Variants in PIK3AP1 observed in about 807,000 individuals in gnomAD.
PIK3AP1 encodes the protein phosphoinositide-3-kinase adaptor protein 1.
PIK3AP1 carries 21 observed loss-of-function variants against 88.1 expected under a neutral mutation model. The observed-to-expected ratio is 0.24, with a 90% confidence interval of 0.17 to 0.34. The LOEUF is 0.34. Among genes scored for constraint, PIK3AP1 ranks in the 10% least tolerant of loss-of-function variants. PIK3AP1 has a pLI of 1.00. For synonymous variants in PIK3AP1, 398 were observed against 400.0 expected (o/e 1.00, Z 0.06); for missense variants, 828 against 1,035.7 (o/e 0.80, Z 2.75).
In PIK3AP1 at chr10:96,720,507, GC is replaced by G; in HGVS notation, c.-114del. On this transcript the variant is annotated 5_prime_UTR_variant, in exon 1 of 17. Coordinates refer to ENST00000339364, the MANE Select transcript of PIK3AP1 (RefSeq NM_152309.3). The surrounding 1 kb of genome is among the most constrained non-coding windows in gnomAD (Gnocchi z 4.6). ...CGCCGGGCTCCGCGCGGGACCGGCCGCCGCTCTGGCGCTTCCTCCCTCAGGG... is the reference window on the plus strand; with the variant it reads ...CGCCGGGCTCCGCGCGGGACCGGCCGCGCTCTGGCGCTTCCTCCCTCAGGG... 1.0e-6 allele frequency: 1 copy of G among 986,016 alleles called. No individual in the cohort carries two copies. Among genetic ancestry groups the G allele is most frequent in the Non-Finnish European group, 1.3e-6 (1 of 778,282 alleles). The allele number at this position is 986,016 out of a possible 1,614,324, so 61.1% of individuals were successfully genotyped here. A position where few individuals can be genotyped will look rare whatever the true frequency, so the allele number is the denominator to read the frequency against.
chr10:96,651,007 T>C (rs1843529415), intron 6 of PIK3AP1, among the ~76,000 whole-genome samples: 1 of 152,218 alleles, frequency 6.6e-6, no homozygotes. Context: ...TTAAAATCAC[T>C]CATTTCCTGC....
chr10:96,609,656 G>T, intron 14 of PIK3AP1, 56 bp downstream of exon 14: 2 of 1,578,554 alleles, frequency 1.3e-6, no homozygotes, highest in Non-Finnish European at 1.7e-6. Context: ...AAGGTCCAAG[G>T]GTGCCAGCTG....
At chr10:96,656,324 C>A (rs1843614178) in intron 3 of PIK3AP1, among the ~76,000 whole-genome samples, 1 of 152,170 alleles carries the variant, frequency 6.6e-6, no homozygotes, top group Non-Finnish European at 1.5e-5. Flanking sequence ...TTATCTGATC[C>A]CTTTAAAAAG....
rs1843559101 is a variant in PIK3AP1 at position 96,652,821 on chromosome 10, T to C, written c.589A>G (p.Ile197Val). Residue 197 changes from isoleucine to valine, a missense_variant, in exon 4 of 17, where the codon ATT becomes GTT. Around this residue, in one of 3 missense-constraint regions of PIK3AP1, gnomAD observed 610 missense variants for 760.1 expected, o/e 0.80. Coordinates refer to ENST00000339364, the MANE Select transcript of PIK3AP1 (RefSeq NM_152309.3). ...CTGTCATCCAGCTTACATCTCACAA[T>C]AACATAGACAGTGGTTTCTGCCTGA... ...RCGAETTVYV[I>V]VRCKLDDRVA... The C allele has an allele frequency of 6.2e-7, 1 of 1,613,816 alleles. No homozygotes were observed. Among genetic ancestry groups the C allele is most frequent in the Non-Finnish European group, 8.5e-7 (1 of 1,179,980 alleles).
intron 2 of PIK3AP1, among the ~76,000 whole-genome samples, chr10:96,705,579 CTTT>C (rs57429192): frequency 6.7e-5 from 9 of 133,884 alleles, no homozygotes; most frequent in Admixed American, 7.6e-5. Flanking sequence ...CATTGCATTT[CTTT>C]TTTTTTTTTT....
chr10:96,679,870 G>A (rs954289514), intron 2 of PIK3AP1, among the ~76,000 whole-genome samples: 1 of 152,294 alleles, frequency 6.6e-6, no homozygotes, highest in South Asian at 2.1e-4. Flanking sequence ...CCACGAGCAT[G>A]GAACAGAAAC....
At chr10:96,614,115 A>C (rs1849172963) in intron 13 of PIK3AP1, among the ~76,000 whole-genome samples, 1 of 152,032 alleles carries the variant, frequency 6.6e-6, no homozygotes, top group Non-Finnish European at 1.5e-5. Context: ...AGCCCAGATG[A>C]GTGGTCAGGA....
intron 2 of PIK3AP1, among the ~76,000 whole-genome samples, chr10:96,659,465 A>C (rs1282247484): frequency 1.3e-5 from 2 of 152,148 alleles, no homozygotes; most frequent in Non-Finnish European, 2.9e-5. Flanking sequence ...ATTTCTCCCA[A>C]ATTACTGGCC....
At chr10:96,693,306 G>GTTAA (rs1844178811) in intron 2 of PIK3AP1, among the ~76,000 whole-genome samples, 1 of 152,256 alleles carries the variant, frequency 6.6e-6, no homozygotes, top group Non-Finnish European at 1.5e-5. Flanking sequence ...CTGCTCTTCT[G>GTTAA]AGGGAGGCTT....
At chr10:96,654,193 T>G (rs1275911613) in intron 3 of PIK3AP1, among the ~76,000 whole-genome samples, 1 of 151,992 alleles carries the variant, frequency 6.6e-6, no homozygotes, top group Non-Finnish European at 1.5e-5. Context: ...CTCGAATAGC[T>G]CTTTTAGCTT....
chr10:96,714,825 T>C (rs1421272857), intron 1 of PIK3AP1, among the ~76,000 whole-genome samples: 1 of 152,142 alleles, frequency 6.6e-6, no homozygotes, highest in East Asian at 1.9e-4. Flanking sequence ...AAAAGAAATA[T>C]ACAGGAGTCC....
In PIK3AP1 at chr10:96,604,023, G is replaced by A. The variant is rs753785564; in HGVS notation, c.2197C>T (p.Arg733Trp). The A allele has an allele frequency of 2.4e-5, 38 of 1,607,062 alleles. No individual in the cohort carries two copies. The highest frequency in any genetic ancestry group is 1.1e-4 in the South Asian group (10 of 89,514). The change falls in exon 15 of 17, where the codon CGG (arginine) becomes TGG (tryptophan). Residue 733 changes from arginine (R) to tryptophan (W), a missense_variant. This residue lies in a region of PIK3AP1 where 191 missense variants were observed against 208.6 expected (regional missense o/e 0.92). Coordinates refer to ENST00000339364, the MANE Select transcript of PIK3AP1 (RefSeq NM_152309.3). ...CCGCTGCTCACACTGAGGAGGCTCCGGGTGCTGGAGCGGTTACTTGTGCTA... is the reference window on the plus strand; with the variant it reads ...CCGCTGCTCACACTGAGGAGGCTCCAGGTGCTGGAGCGGTTACTTGTGCTA... Reference protein sequence around the residue: ...ASSTSNRSSTRSLLSVSSGME... With the variant: ...ASSTSNRSSTWSLLSVSSGME...
intron 2 of PIK3AP1, among the ~76,000 whole-genome samples, chr10:96,669,973 G>C (rs1203804004): frequency 6.6e-6 from 1 of 151,858 alleles, no homozygotes; most frequent in East Asian, 1.9e-4. Context: ...TCAGGAGTTC[G>C]AGACCAGCCT....
Position 96,595,433 on chromosome 10 carries a change from C to G in PIK3AP1, c.*144G>C, listed in dbSNP as rs915462407. 3 of 916,398 alleles carry G rather than the reference C, an allele frequency of 3.3e-6. No individual in the cohort carries two copies. The highest frequency in any genetic ancestry group is 3.3e-6 in the Non-Finnish European group (2 of 602,786). 56.8% of individuals were successfully genotyped at this position (916,398 alleles called of 1,614,324 possible). ...ATAAAATCTTCGAGGCAAGCCCAAACCAGCAGGGCTGCAGCATTATCAGCA... is the reference window on the plus strand; with the variant it reads ...ATAAAATCTTCGAGGCAAGCCCAAAGCAGCAGGGCTGCAGCATTATCAGCA... On this transcript the variant is annotated 3_prime_UTR_variant, in exon 17 of 17. Coordinates refer to ENST00000339364, the MANE Select transcript of PIK3AP1 (RefSeq NM_152309.3).
intron 14 of PIK3AP1, among the ~76,000 whole-genome samples, chr10:96,607,158 A>G (rs7907262): frequency 0.035 from 5,288 of 152,190 alleles, 313 homozygotes; most frequent in African/African-American, 0.12. Flanking sequence ...TCAGGGGGTT[A>G]AGGGGCAGTT....
chr10:96,659,960 G>A (rs922932046), intron 2 of PIK3AP1, among the ~76,000 whole-genome samples: 5 of 151,746 alleles, frequency 3.3e-5, no homozygotes, highest in African/African-American at 9.7e-5. Context: ...ATTTATATAG[G>A]TATTACGTCT....
intron 2 of PIK3AP1, chr10:96,700,729 A>C: frequency 8.5e-6 from 7 of 819,924 alleles, no homozygotes; most frequent in Non-Finnish European, 1.0e-5. Flanking sequence ...GTTGCTTTCA[A>C]GAGATCCAAG....
At chr10:96,674,957 A>C (rs977634486) in intron 2 of PIK3AP1, among the ~76,000 whole-genome samples, 1 of 152,248 alleles carries the variant, frequency 6.6e-6, no homozygotes, top group Non-Finnish European at 1.5e-5. Flanking sequence ...CAGTTCTGCA[A>C]TCACGGTTCA....
intron 10 of PIK3AP1, 76 bp from the exon 11 acceptor site, chr10:96,623,613 T>G: frequency 3.2e-6 from 4 of 1,241,748 alleles, no homozygotes; most frequent in Admixed American, 1.7e-5. Flanking sequence ...AATGAATCCA[T>G]ACCTAGGACC....
Sources: gnomAD v4.1 joint callset for allele counts (sites outside exome capture counted in the v4.1 genomes callset) on GRCh38, gnomAD v4.1.1 for gene constraint, gnomAD v4.1.1 regional missense constraint, Gnocchi (gnomAD v3.1) non-coding constraint, MANE v1.5 for transcripts, NCBI Gene and HGNC (gene_info 2026-07-23, HGNC 2026-07-21) for gene names.